BCCIP: variants seen among roughly 807,000 people sequenced by gnomAD.
The protein encoded by BCCIP is BRCA2 and CDKN1A interacting protein.
In BCCIP, 23 loss-of-function variants were observed where a neutral mutation model predicts 32.8. That is an observed-to-expected ratio of 0.70 (90% CI 0.51 to 0.99). The LOEUF (loss-of-function observed/expected upper bound fraction) is 0.99. Ranked by LOEUF, BCCIP falls within the 50% of genes least tolerant of loss-of-function variation. The pLI is 0.00. For synonymous variants in BCCIP, 144 were observed against 137.6 expected (o/e 1.05, Z -0.33); for missense variants, 378 against 379.8 (o/e 1.00, Z 0.04).
chr10:125,841,235 T>A, downstream of BCCIP: 2 of 1,608,416 alleles, frequency 1.2e-6, no homozygotes, highest in East Asian at 2.2e-5. Flanking sequence ...ATGGTTAATA[T>A]CCTGCTTCTA....
chr10:125,826,580 G>C lies in BCCIP; in HGVS notation c.166-11G>C. ...TTTTCTGGTAACAACTATTTTGTGT[G>C]TTATTTACAGGAAGTGAATATTGAA... is the stretch of plus-strand genomic sequence containing the variant. On this transcript the variant is annotated splice_polypyrimidine_tract_variant and intron_variant, in intron 1 of 6. Coordinates refer to ENST00000278100, the MANE Select transcript of BCCIP (RefSeq NM_078468.3). 2 of 1,612,710 alleles carry C rather than the reference G, an allele frequency of 1.2e-6. No individual in the cohort carries two copies. Among genetic ancestry groups the C allele is most frequent in the Non-Finnish European group, 1.7e-6 (2 of 1,179,434 alleles).
chr10:125,827,705 C>T, intron 3 of BCCIP, 67 bp downstream of exon 3: 1 of 1,251,732 alleles, frequency 8.0e-7, no homozygotes, highest in Non-Finnish European at 1.2e-6. Flanking sequence ...TGGGCCTCAC[C>T]ATGCTTGTAA....
chr10:125,836,672 G>T (rs1854695302), downstream of BCCIP: 2 of 1,612,330 alleles, frequency 1.2e-6, no homozygotes, highest in South Asian at 1.1e-5. Context: ...GCTGCACCTT[G>T]TGTTTGCTGG....
chr10:125,845,302 T>C (rs1420542072), downstream of BCCIP, among the ~76,000 whole-genome samples: 2 of 152,224 alleles, frequency 1.3e-5, no homozygotes, highest in Non-Finnish European at 2.9e-5. Flanking sequence ...CCAGGTCTCT[T>C]TTGTTATAAC....
At chr10:125,853,255 T>C (rs369103360) in exon 8 of BCCIP, 6 of 1,561,248 alleles carry the variant, frequency 3.8e-6, no homozygotes, top group Non-Finnish European at 5.3e-6. Context: ...AAGTCAGGGA[T>C]ATTTAGGAGG....
downstream of BCCIP, chr10:125,841,417 A>G: frequency 6.3e-7 from 1 of 1,593,436 alleles, no homozygotes; most frequent in Non-Finnish European, 8.6e-7. Context: ...ACAGGCACAC[A>G]ACATTATTTG....
downstream of BCCIP, chr10:125,838,952 A>G (rs765795235): frequency 1.7e-5 from 26 of 1,547,074 alleles, no homozygotes; most frequent in Non-Finnish European, 1.8e-6. Context: ...TATCCTGAGT[A>G]TGTGCAATTC....
downstream of BCCIP, among the ~76,000 whole-genome samples, chr10:125,843,167 G>A (rs1439780534): frequency 6.6e-6 from 1 of 152,118 alleles, no homozygotes; most frequent in Admixed American, 6.6e-5. Context: ...TGAGCCACTA[G>A]GTTGGTTTTG....
downstream of BCCIP, chr10:125,841,158 A>G: frequency 7.2e-7 from 1 of 1,388,738 alleles, no homozygotes; most frequent in Non-Finnish European, 9.9e-7. Flanking sequence ...AGAAATTTAG[A>G]GTGAGTCATC....
In BCCIP at chr10:125,830,648, A is replaced by G. The variant is rs187673731; in HGVS notation, c.408A>G (p.Arg136=). 1.9e-6 allele frequency: 3 copies of G among 1,594,836 alleles called. No individual in the cohort carries two copies. Among genetic ancestry groups the G allele is most frequent in the Admixed American group, 1.7e-5 (1 of 59,288 alleles). ...TAAGCCTTTTAAATTTAACTGAAAGAAAGGTTGGTTTCACTGGATGGCATC... is the reference window on the plus strand; with the variant it reads ...TAAGCCTTTTAAATTTAACTGAAAGGAAGGTTGGTTTCACTGGATGGCATC... ...GFISLLNLTE[R]KGTQCVEQIQ... Residue 136 remains arginine, a synonymous_variant, in exon 4 of 7, where the codon AGA becomes AGG. Coordinates refer to ENST00000278100, the MANE Select transcript of BCCIP (RefSeq NM_078468.3).
At chr10:125,851,295 T>C (rs1398937596) in intron 7 of BCCIP, among the ~76,000 whole-genome samples, 1 of 152,246 alleles carries the variant, frequency 6.6e-6, no homozygotes, top group African/African-American at 2.4e-5. Flanking sequence ...TATGTGTGTA[T>C]TGTCAGGAGA....
downstream of BCCIP, among the ~76,000 whole-genome samples, chr10:125,837,998 C>T (rs932792601): frequency 1.3e-5 from 2 of 152,182 alleles, no homozygotes; most frequent in African/African-American, 4.8e-5. Context: ...TTTATTTCTA[C>T]ACTGTCTTTT....
intron 7 of BCCIP, chr10:125,852,706 C>A: frequency 7.0e-7 from 1 of 1,434,292 alleles, no homozygotes; most frequent in South Asian, 1.3e-5. Context: ...CTCACTGATC[C>A]TGAAGAGAAT....
At chr10:125,845,839 G>A (rs911072802), downstream of BCCIP, among the ~76,000 whole-genome samples, 2 of 152,208 alleles carry the variant, frequency 1.3e-5, no homozygotes, top group African/African-American at 4.8e-5. Flanking sequence ...GGCAGGCGGA[G>A]GCCAGCTCCT....
intron 7 of BCCIP, among the ~76,000 whole-genome samples, chr10:125,847,897 G>C (rs1405912656): frequency 1.3e-5 from 2 of 152,092 alleles, no homozygotes; most frequent in South Asian, 4.1e-4. Flanking sequence ...CCACTGATCT[G>C]ACAGGAGGTG....
chr10:125,847,862 G>C (rs993669679), intron 7 of BCCIP, among the ~76,000 whole-genome samples: 2 of 151,962 alleles, frequency 1.3e-5, no homozygotes, highest in South Asian at 2.1e-4. Flanking sequence ...AATAGGGTTC[G>C]AGCTCCTACG....
At chr10:125,842,071 A>C in exon 7 of BCCIP, 1 of 1,134,870 alleles carries the variant, frequency 8.8e-7, no homozygotes. Context: ...AAGCCACCAA[A>C]TACCAGGGAG....
chr10:125,833,934 A>G lies in BCCIP; in HGVS notation c.762A>G (p.Glu254=). ...TAATGTTTGCAAATGCAGAGGAAGA[A>G]TTTTTCTATGAGGTAAGACTATCCT... The part of the protein sequence containing the change: ...AALMFANAEE[E]FFYEKAILKF... Residue 254 remains glutamate, a synonymous_variant, in exon 6 of 7, where the codon GAA becomes GAG. Transcript: ENST00000278100. 1.2e-6 allele frequency: 2 copies of G among 1,614,198 alleles called. No homozygotes were observed. Among genetic ancestry groups the G allele is most frequent in the East Asian group, 2.2e-5 (1 of 44,892 alleles).
At position 125,852,348 on chromosome 10, in the gene BCCIP, A is replaced by T. The variant is rs931534076; in HGVS notation, c.851-777A>T. On this transcript the variant is annotated intron_variant, in intron 7 of 7. Transcript: ENST00000368759. ...GGCCCGCAATGTCTATCCTCTTCAT[A>T]AAAAGCACCATGCTTGTTAGGTTGG... The T allele has an allele frequency of 2.5e-6, 4 of 1,614,098 alleles. No individual in the cohort carries two copies. In the African/African-American group the frequency reaches 5.3e-5, roughly 22 times the overall value.
Sources: gnomAD v4.1 joint callset for allele counts (sites outside exome capture counted in the v4.1 genomes callset) on GRCh38, gnomAD v4.1.1 for gene constraint, MANE v1.5 for transcripts, NCBI Gene and HGNC (gene_info 2026-07-23, HGNC 2026-07-21) for gene names.